The following EPB41L3 variants were observed in gnomAD, a reference collection of about 807,000 sequenced individuals.
EPB41L3 encodes the protein erythrocyte membrane protein band 4.1 like 3, also known as band 4.1-like protein 3.
A neutral mutation model predicts 127.1 loss-of-function variants in EPB41L3; 57 were observed. The ratio of observed to expected loss-of-function variants is 0.45; its 90% CI spans 0.36 to 0.56. The LOEUF (loss-of-function observed/expected upper bound fraction) is 0.56, where lower values mean the gene tolerates loss of function less well. EPB41L3 is among the 20% of genes least tolerant of loss of function. The pLI, the probability that EPB41L3 is intolerant of heterozygous loss-of-function variation, is 0.00. For synonymous variants in EPB41L3, 572 were observed against 549.5 expected (o/e 1.04, Z -0.57); for missense variants, 1,273 against 1,372.2 (o/e 0.93, Z 1.14).
intron 1 of EPB41L3, among the ~76,000 whole-genome samples, chr18:5,506,588 T>G (rs1289442205): frequency 6.6e-6 from 1 of 152,150 alleles, no homozygotes; most frequent in Non-Finnish European, 1.5e-5. Context: ...GCTACCTACT[T>G]CAGCTGCTTA....
At chr18:5,546,851 G>A (rs2093889455), upstream of EPB41L3, among the ~76,000 whole-genome samples, 1 of 152,228 alleles carries the variant, frequency 6.6e-6, no homozygotes, top group East Asian at 1.9e-4. Flanking sequence ...AGTCCTCTCT[G>A]TCTCCCCACA....
chr18:5,599,410 C>T (rs1185477382), intron 3 of EPB41L3, among the ~76,000 whole-genome samples: 2 of 152,106 alleles, frequency 1.3e-5, no homozygotes, highest in Admixed American at 6.6e-5. Flanking sequence ...GGGCATTTTC[C>T]TGTTTAGGCA....
chr18:5,507,418 C>T (rs1435286367), intron 1 of EPB41L3, among the ~76,000 whole-genome samples: 1 of 151,978 alleles, frequency 6.6e-6, no homozygotes, highest in African/African-American at 2.4e-5. Context: ...TAATAAATGC[C>T]ATTTATTAAT....
Position 5,490,637 on chromosome 18 carries a change from A to G in EPB41L3, c.-11-1443T>C, listed in dbSNP as rs185415659. 1.4e-3 allele frequency among the ~76,000 whole-genome samples: 209 copies of G among 152,350 alleles called. 1 individual carries two copies. The highest frequency in any genetic ancestry group is 4.7e-3 in the African/African-American group (197 of 41,586). On this transcript the variant is annotated intron_variant, in intron 1 of 22. Transcript: ENST00000341928. ...ACAGAGAAAGGTAGTGATGCAAATA[A>G]AATGAACAGACTTTCTTTTTTCCTG...
chr18:5,433,401 T>C (rs971178725), intron 8 of EPB41L3, 68 bp downstream of exon 8: 11 of 1,122,412 alleles, frequency 9.8e-6, no homozygotes, highest in Non-Finnish European at 1.4e-5. Context: ...AATCACCAGC[T>C]TACAGTAATA....
intron 1 of EPB41L3, among the ~76,000 whole-genome samples, chr18:5,497,294 T>A (rs2091271911): frequency 6.6e-6 from 1 of 152,112 alleles, no homozygotes; most frequent in Non-Finnish European, 1.5e-5. Context: ...ATGGATGCTT[T>A]TAAAAGGTCA....
intron 16 of EPB41L3, chr18:5,401,140 C>CT: frequency 1.6e-6 from 1 of 618,016 alleles, no homozygotes; most frequent in Non-Finnish European, 2.9e-6. Context: ...TTATCTCTAT[C>CT]TATCTATCAT....
At chr18:5,435,425 G>T (rs1000982610) in intron 6 of EPB41L3, among the ~76,000 whole-genome samples, 14 of 152,068 alleles carry the variant, frequency 9.2e-5, no homozygotes, top group African/African-American at 3.1e-4. Flanking sequence ...GTACCATTAA[G>T]AAAAATCTTT....
upstream of EPB41L3, among the ~76,000 whole-genome samples, chr18:5,547,313 A>G (rs1323402971): frequency 6.6e-6 from 1 of 152,220 alleles, no homozygotes; most frequent in Non-Finnish European, 1.5e-5. Flanking sequence ...TCAATAAGTT[A>G]TAGAAAAGTA....
chr18:5,621,878 G>A (rs1358483047), intron 1 of EPB41L3, among the ~76,000 whole-genome samples: 1 of 152,116 alleles, frequency 6.6e-6, no homozygotes, highest in African/African-American at 2.4e-5. Flanking sequence ...ATTTCTCATG[G>A]ATTACTTTAG....
rs768993946 is a variant in EPB41L3 at position 5,416,383 on chromosome 18, T to G, written c.1507-5A>C. Reference sequence around the variant, plus strand: ...GTCAGTGCCAAGCCCAGGTGACTGATGTGAAAGAGACAGAAAGAGACAGAA... The same window carrying G: ...GTCAGTGCCAAGCCCAGGTGACTGAGGTGAAAGAGACAGAAAGAGACAGAA... On this transcript the variant is annotated splice_region_variant and splice_polypyrimidine_tract_variant and intron_variant, in intron 12 of 22. Coordinates refer to ENST00000341928, the MANE Select transcript of EPB41L3 (RefSeq NM_012307.5). The G allele has an allele frequency of 8.0e-5, 128 of 1,606,756 alleles. No homozygotes were observed. Among genetic ancestry groups the G allele is most frequent in the Non-Finnish European group, 1.0e-4 (123 of 1,175,674 alleles).
chr18:5,423,646 G>A, intron 10 of EPB41L3, 93 bp from the exon 11 acceptor site: 1 of 1,169,152 alleles, frequency 8.6e-7, no homozygotes. Flanking sequence ...CATGTGTTTT[G>A]CATGCTAAAC....
chr18:5,573,898 A>T (rs1599054645), intron 3 of EPB41L3, among the ~76,000 whole-genome samples: 1 of 151,392 alleles, frequency 6.6e-6, no homozygotes, highest in Non-Finnish European at 1.5e-5. Context: ...CAAAAAATTT[A>T]CCTAATATAT....
At chr18:5,442,177 T>C (rs1191489869) in intron 5 of EPB41L3, among the ~76,000 whole-genome samples, 1 of 152,204 alleles carries the variant, frequency 6.6e-6, no homozygotes, top group Non-Finnish European at 1.5e-5. Flanking sequence ...TTTTAGTAAC[T>C]CTTTAATACT....
chr18:5,520,798 C>A (rs553104452), intron 1 of EPB41L3, among the ~76,000 whole-genome samples: 1 of 152,284 alleles, frequency 6.6e-6, no homozygotes, highest in African/African-American at 2.4e-5. Context: ...CCTGAACTTC[C>A]ATTTTATTAC....
chr18:5,444,213 A>T (rs2081170457), intron 4 of EPB41L3, among the ~76,000 whole-genome samples: 1 of 152,280 alleles, frequency 6.6e-6, no homozygotes, highest in Non-Finnish European at 1.5e-5. Flanking sequence ...AGGATAAATT[A>T]AAAATATATG....
Position 5,604,177 on chromosome 18 carries a change from C to T in EPB41L3, c.-306+8163G>A, listed in dbSNP as rs534158781. On this transcript the variant is annotated intron_variant, in intron 3 of 21. Coordinates refer to the EPB41L3 transcript ENST00000545076. ...ATAGTATTAGAATCATTCTTTCATT[C>T]TGCTTTGTATTATGATCAATAGTTT... Among the ~76,000 whole-genome samples, 213 of 151,840 alleles carry T rather than the reference C, an allele frequency of 1.4e-3. 1 individual carries two copies. Among genetic ancestry groups the T allele is most frequent in the African/African-American group, 4.9e-3 (203 of 41,414 alleles).
At chr18:5,505,886 C>CCCCTACCCTCCACACCTTCACCTCCAT (rs2092152822) in intron 1 of EPB41L3, among the ~76,000 whole-genome samples, 1 of 149,572 alleles carries the variant, frequency 6.7e-6, no homozygotes, top group Non-Finnish European at 1.5e-5. Flanking sequence ...TTCACCTCCA[C>CCCCTACCCTCCACACCTTCACCTCCAT]CCCTACCCTC....
intron 1 of EPB41L3, among the ~76,000 whole-genome samples, chr18:5,494,244 G>A (rs887679918): frequency 6.6e-6 from 1 of 152,092 alleles, no homozygotes; most frequent in African/African-American, 2.4e-5. Flanking sequence ...CCCCATTGCA[G>A]CAGGTGGCCT....
Sources: gnomAD v4.1 joint callset for allele counts (sites outside exome capture counted in the v4.1 genomes callset) on GRCh38, gnomAD v4.1.1 for gene constraint, MANE v1.5 for transcripts, NCBI Gene and HGNC (gene_info 2026-07-23, HGNC 2026-07-21) for gene names.